DOCK7: variants seen among roughly 807,000 people sequenced by gnomAD.
DOCK7 encodes dedicator of cytokinesis 7.
In DOCK7, 138 loss-of-function variants were observed where a neutral mutation model predicts 271.0. The observed-to-expected ratio is 0.51, with a 90% CI of 0.44 to 0.59. DOCK7 has a LOEUF of 0.59. Ranked by LOEUF, DOCK7 falls within the 20% of genes least tolerant of loss-of-function variation. The pLI is 0.00. For missense variants in DOCK7, 2,066 were observed against 2,592.4 expected (o/e 0.80, Z 4.41); for synonymous variants, 823 against 876.1 (o/e 0.94, Z 1.07).
chr1:62,676,733 G>C (rs1440233653), intron 1 of DOCK7, among the ~76,000 whole-genome samples: 1 of 152,160 alleles, frequency 6.6e-6, no homozygotes, highest in Non-Finnish European at 1.5e-5. Flanking sequence ...ATTATTAAAT[G>C]GTTGATATGA....
Position 62,653,991 on chromosome 1 carries a change from C to T in DOCK7, c.313G>A (p.Glu105Lys). 6.2e-7 allele frequency: 1 copy of T among 1,612,528 alleles called. No homozygotes were observed. The highest frequency in any genetic ancestry group is 8.5e-7 in the Non-Finnish European group (1 of 1,179,488). ...AAGTCAATGTCTCCTTACCTTTCTT[C>T]AGGTACAGCTGAAACAAGAGTTCTG... ...DCRTLVSAVP[E>K]ESEMDPHVRD... is the part of the protein sequence containing the mutation. Residue 105 changes from glutamate to lysine, a missense_variant, in exon 3 of 50, where the codon GAA becomes AAA. Physicochemically the swap from Glu to Lys is moderately conservative, Grantham distance 56. Coordinates refer to ENST00000635253, the MANE Select transcript of DOCK7 (RefSeq NM_001367561.1).
chr1:62,540,634 G>A (rs2149395450), intron 25 of DOCK7, among the ~76,000 whole-genome samples: 1 of 152,076 alleles, frequency 6.6e-6, no homozygotes, highest in Middle Eastern at 3.4e-3. Flanking sequence ...ATAAATATGA[G>A]GACTATATTG....
In DOCK7 at chr1:62,560,931, C is replaced by T. The variant is rs563839355; in HGVS notation, c.2199+686G>A. On this transcript the variant is annotated intron_variant, in intron 19 of 49. Coordinates refer to ENST00000635253, the MANE Select transcript of DOCK7 (RefSeq NM_001367561.1). The stretch of plus-strand genomic sequence containing the variant: ...CCTCAACAGGTAACATCTCTCATCT[C>T]ACGGAACTTATCATCTAATGTGGGA... Among the ~76,000 whole-genome samples, 14 of 152,304 alleles carry T rather than the reference C, an allele frequency of 9.2e-5. No individual in the cohort carries two copies. In the South Asian group the frequency reaches 2.7e-3, roughly 29 times the overall value.
chr1:62,493,512 T>TTTGAGTGAAAAC (rs1553155430), intron 40 of DOCK7, among the ~76,000 whole-genome samples: 1 of 152,218 alleles, frequency 6.6e-6, no homozygotes, highest in Non-Finnish European at 1.5e-5. Context: ...TTTGGTTTCT[T>TTTGAGTGAAAAC]TTGAGTGAAA....
At chr1:62,639,160 T>A (rs887485345) in intron 7 of DOCK7, among the ~76,000 whole-genome samples, 4 of 152,206 alleles carry the variant, frequency 2.6e-5, no homozygotes, top group African/African-American at 9.6e-5. Context: ...TGGGTTTTTT[T>A]AAATAAAGTT....
chr1:62,525,064 G>A (rs1644966512), intron 31 of DOCK7, among the ~76,000 whole-genome samples: 1 of 150,792 alleles, frequency 6.6e-6, no homozygotes, highest in African/African-American at 2.5e-5. Flanking sequence ...GGAGTGCAGT[G>A]GCGCGATCTA....
intron 1 of DOCK7, among the ~76,000 whole-genome samples, chr1:62,674,280 G>C (rs148139647): frequency 8.7e-4 from 133 of 152,088 alleles, no homozygotes; most frequent in African/African-American, 2.9e-3. Context: ...ATGCTGAAGA[G>C]AGAAATTAAA....
Position 62,578,972 on chromosome 1 carries a change from TACA to T in DOCK7, c.1872-9_1872-7del. 6.9e-7 allele frequency: 1 copy of T among 1,452,100 alleles called. No individual in the cohort carries two copies. Among genetic ancestry groups the T allele is most frequent in the Admixed American group, 2.6e-5 (1 of 38,642 alleles). The allele number at this position is 1,452,100 out of a possible 1,614,324, so 90.0% of individuals were successfully genotyped here. ...CTTCATGAAAATCAGGAGACCTTCA[TACA>T]AAAAAAAAAAAAAATCAACAGTCAG... is the stretch of plus-strand genomic sequence containing the variant. On this transcript the variant is annotated splice_region_variant and splice_polypyrimidine_tract_variant and intron_variant, in intron 16 of 49. Coordinates refer to ENST00000635253, the MANE Select transcript of DOCK7 (RefSeq NM_001367561.1).
At position 62,688,313 on chromosome 1, in the gene DOCK7, G is replaced by A; in HGVS notation, c.-49C>T. ...CGGCGGCGGCTGCGGCGGGCCGGGTGCGGACCGGCGGGCGCGTGCCTCCTC... is the reference window on the plus strand; with the variant it reads ...CGGCGGCGGCTGCGGCGGGCCGGGTACGGACCGGCGGGCGCGTGCCTCCTC... On this transcript the variant is annotated 5_prime_UTR_variant, in exon 1 of 50. Coordinates refer to ENST00000635253, the MANE Select transcript of DOCK7 (RefSeq NM_001367561.1). The A allele has an allele frequency of 8.6e-7, 1 of 1,163,476 alleles. No homozygotes were observed. The highest frequency in any genetic ancestry group is 1.1e-6 in the Non-Finnish European group (1 of 934,628). The allele number at this position is 1,163,476 out of a possible 1,614,324, so 72.1% of individuals were successfully genotyped here. A position where few individuals can be genotyped will look rare whatever the true frequency, so the allele number is the denominator to read the frequency against.
At chr1:62,509,217 G>A (rs987357806) in intron 34 of DOCK7, among the ~76,000 whole-genome samples, 4 of 151,314 alleles carry the variant, frequency 2.6e-5, no homozygotes, top group African/African-American at 9.7e-5. Flanking sequence ...GGAGGCTGAG[G>A]TGGGAGGCTC....
At chr1:62,647,886 C>G in intron 6 of DOCK7, 110 bp from the exon 7 acceptor site, 1 of 906,166 alleles carries the variant, frequency 1.1e-6, no homozygotes, top group South Asian at 1.6e-5. Flanking sequence ...CACAATAGAA[C>G]ATAGAGAAGA....
chr1:62,479,372 G>C (rs970923347), intron 43 of DOCK7, among the ~76,000 whole-genome samples: 1 of 152,196 alleles, frequency 6.6e-6, no homozygotes, highest in African/African-American at 2.4e-5. Flanking sequence ...AAAGAAAGTT[G>C]AGGCTTCTAA....
intron 16 of DOCK7, among the ~76,000 whole-genome samples, chr1:62,579,645 T>C (rs1647051164): frequency 7.6e-6 from 1 of 131,126 alleles, no homozygotes; most frequent in East Asian, 2.2e-4. Flanking sequence ...AAGGCTGCAG[T>C]GAGCTATGAT....
chr1:62,520,136 A>C (rs1024511551), intron 31 of DOCK7, among the ~76,000 whole-genome samples: 4 of 152,168 alleles, frequency 2.6e-5, no homozygotes, highest in Non-Finnish European at 5.9e-5. Flanking sequence ...AAGACCTAAA[A>C]CCATAAAAAC....
At chr1:62,652,752 T>G (rs1043303523) in intron 4 of DOCK7, among the ~76,000 whole-genome samples, 2 of 152,188 alleles carry the variant, frequency 1.3e-5, no homozygotes, top group African/African-American at 4.8e-5. Context: ...GACTTTTGAA[T>G]TATCTGACTG....
At chr1:62,548,948 G>A (rs1557699645) in intron 22 of DOCK7, among the ~76,000 whole-genome samples, 2 of 152,162 alleles carry the variant, frequency 1.3e-5, no homozygotes, top group African/African-American at 2.4e-5. Flanking sequence ...GAACTCCAGA[G>A]AGAGATCTGT....
chr1:62,661,541 G>GT (rs891085459), intron 2 of DOCK7, among the ~76,000 whole-genome samples: 1 of 151,326 alleles, frequency 6.6e-6, no homozygotes, highest in African/African-American at 2.4e-5. Flanking sequence ...CTAATTCAGC[G>GT]TTTTTTGCCC....
intron 34 of DOCK7, among the ~76,000 whole-genome samples, chr1:62,510,201 G>A (rs1417225179): frequency 6.6e-6 from 1 of 152,072 alleles, no homozygotes; most frequent in Non-Finnish European, 1.5e-5. Context: ...GTATTGTTTT[G>A]TCTTTCTTGA....
At chr1:62,504,004 G>A (rs933424490) in intron 37 of DOCK7, among the ~76,000 whole-genome samples, 5 of 149,958 alleles carry the variant, frequency 3.3e-5, no homozygotes, top group Admixed American at 6.6e-5. Context: ...CCAAGATCAC[G>A]CCACTGCACT....
Sources: allele counts gnomAD v4.1 joint callset (sites outside exome capture counted in the v4.1 genomes callset), GRCh38; gene constraint gnomAD v4.1.1; transcripts MANE v1.5; gene names NCBI Gene and HGNC (gene_info 2026-07-23, HGNC 2026-07-21).